Variants in PCDHA6 observed in about 807,000 individuals in gnomAD.
The protein encoded by PCDHA6 is protocadherin alpha 6.
PCDHA6 carries 55 observed loss-of-function variants against 60.3 expected under a neutral mutation model. That is an observed-to-expected ratio of 0.91 (90% confidence interval 0.73 to 1.14). The LOEUF is 1.14. Ranked by LOEUF, PCDHA6 falls within the 50% of genes most tolerant of loss-of-function variation. The pLI is 0.00. For missense variants in PCDHA6, 1,327 were observed against 1,256.5 expected (o/e 1.06, Z -0.85); for synonymous variants, 652 against 557.9 (o/e 1.17, Z -2.38).
intron 1 of PCDHA6, chr5:140,868,473 C>T (rs1740794532): frequency 6.6e-6 from 1 of 152,126 alleles, no homozygotes; most frequent in Non-Finnish European, 1.5e-5. Flanking sequence ...TTTTATAAAA[C>T]TTCAATTTTT....
Position 140,828,576 on chromosome 5 carries a change from T to C in PCDHA6, c.485T>C (p.Val162Ala). Reference protein sequence around the residue: ...FPLEGASDADVGSNSILTYKL... With the variant: ...FPLEGASDADAGSNSILTYKL... ...CTGGAGGGCGCGTCCGATGCAGATG[T>C]TGGCTCAAATTCCATCTTAACCTAT... is the stretch of plus-strand genomic sequence containing the variant. Residue 162 changes from valine to alanine, a missense_variant, in exon 1 of 4, where the codon GTT (valine) becomes GCT (alanine). By Grantham distance (64) the Val-to-Ala change is moderately conservative. Transcript: ENST00000529310. The C allele has an allele frequency of 1.9e-6, 3 of 1,614,230 alleles. No homozygotes were observed. The highest frequency in any genetic ancestry group is 1.7e-5 in the Admixed American group (1 of 60,036).
intron 1 of PCDHA6, among the ~76,000 whole-genome samples, chr5:140,833,387 A>G (rs1772434937): frequency 6.6e-6 from 1 of 152,198 alleles, no homozygotes; most frequent in African/African-American, 2.4e-5. Flanking sequence ...AGGATGAAAT[A>G]CCTCAAGACT....
chr5:140,927,967 AT>A, intron 1 of PCDHA6: 1 of 1,614,172 alleles, frequency 6.2e-7, no homozygotes, highest in Non-Finnish European at 8.5e-7. Context: ...TGGCACAGTG[AT>A]TGCTCTCTTT....
chr5:140,993,293 A>G (rs1445204823), intron 3 of PCDHA6, among the ~76,000 whole-genome samples: 1 of 152,062 alleles, frequency 6.6e-6, no homozygotes, highest in African/African-American at 2.4e-5. Flanking sequence ...CAGGGTCACA[A>G]CCTTGCCTCC....
rs2150171293 is a variant in PCDHA6, at chr5:140,829,615, T to G, written c.1524T>G (p.Ile508Met). The change falls in exon 1 of 4, where the codon ATT (isoleucine) becomes ATG (methionine). Residue 508 changes from isoleucine to methionine, a missense_variant. Transcript: ENST00000529310. The part of the protein sequence containing the change: ...RVGERALSSY[I>M]SVHAESGKVY... ...GCGAGCGCGCGTTGTCGAGCTACAT[T>G]TCGGTGCACGCGGAGAGCGGCAAGG... is the stretch of plus-strand genomic sequence containing the variant. The G allele has an allele frequency of 5.0e-6, 8 of 1,612,084 alleles. No individual in the cohort carries two copies. In the African/African-American group the frequency reaches 9.3e-5, roughly 19 times the overall value.
rs1580988971 is a variant in PCDHA6, at chr5:140,842,089, C to T, written c.2394+11604C>T. ...AAGTAAGAATATTCGAAAACGCAGA[C>T]AACGGAACAACAGTTATCAAACTGA... is the stretch of plus-strand genomic sequence containing the variant. On this transcript the variant is annotated intron_variant, in intron 1 of 3. Transcript: ENST00000529310. The T allele has an allele frequency of 1.9e-6, 3 of 1,613,894 alleles. No homozygotes were observed. The East Asian group carries it at 6.7e-5, about 36-fold the overall frequency.
Position 140,836,433 on chromosome 5 carries a change from T to C in PCDHA6, c.2394+5948T>C, listed in dbSNP as rs2150260977. The C allele has an allele frequency of 1.3e-4, 215 of 1,613,692 alleles. 2 individuals are homozygous for C. Among genetic ancestry groups the C allele is most frequent in the Non-Finnish European group, 2.4e-5 (28 of 1,179,856 alleles). ...ACCAAAGGCGTCGTCGCGGGCATCG[T>C]TGGGCATTGCAGGCCCAGAGACCGA... On this transcript the variant is annotated intron_variant, in intron 1 of 3. Transcript: ENST00000529310.
intron 1 of PCDHA6, chr5:140,843,910 G>A (rs2150367527): frequency 2.4e-5 from 15 of 636,386 alleles, no homozygotes; most frequent in Non-Finnish European, 3.7e-5. Flanking sequence ...CACAAGTTGG[G>A]TCTATCTTGA....
At chr5:140,978,818 C>T in intron 1 of PCDHA6, 131 bp from the exon 2 acceptor site, 4 of 1,512,636 alleles carry the variant, frequency 2.6e-6, no homozygotes, top group Non-Finnish European at 3.5e-6. Flanking sequence ...TAGAGTTACA[C>T]ATGAAATGGC....
chr5:140,941,685 A>G (rs983394705), intron 1 of PCDHA6, among the ~76,000 whole-genome samples: 2 of 151,952 alleles, frequency 1.3e-5, no homozygotes, highest in Non-Finnish European at 2.9e-5. Flanking sequence ...TATTCTGTTT[A>G]CCTCTTTGGG....
chr5:140,853,885 T>C (rs1456390498), intron 1 of PCDHA6: 1 of 979,240 alleles, frequency 1.0e-6, no homozygotes, highest in Non-Finnish European at 1.2e-6. Context: ...TTCTGTAATT[T>C]AAAAAGATGT....
In PCDHA6 at chr5:140,856,840, C is replaced by T. The variant is rs782759448; in HGVS notation, c.2394+26355C>T. On this transcript the variant is annotated intron_variant, in intron 1 of 3. Transcript: ENST00000529310. ...ACCAAACATTAGTAATACGGCTCAA[C>T]GCTTCTGATTCGGATGAAGGAATAA... is the stretch of plus-strand genomic sequence containing the variant. The T allele has an allele frequency of 7.5e-6, 12 of 1,591,778 alleles. 2 individuals are homozygous for T. The highest frequency in any genetic ancestry group is 4.0e-5 in the African/African-American group (3 of 74,140).
chr5:140,990,783 G>A (rs932115900), intron 3 of PCDHA6, among the ~76,000 whole-genome samples: 5 of 152,170 alleles, frequency 3.3e-5, no homozygotes, highest in African/African-American at 7.2e-5. Flanking sequence ...TGTGTTGGAC[G>A]ATGAACCATG....
At position 140,842,935 on chromosome 5, in the gene PCDHA6, C is replaced by T. The variant is rs1329962165; in HGVS notation, c.2394+12450C>T. ...TGCTGCAGTTCCAGGTGAGCGCGCG[C>T]GACGCGGGCGTGCCGCCTCTGGGCA... On this transcript the variant is annotated intron_variant, in intron 1 of 3. Transcript: ENST00000529310. The T allele has an allele frequency of 3.8e-6, 6 of 1,594,442 alleles. No individual in the cohort carries two copies. In the African/African-American group the frequency reaches 8.1e-5, roughly 21 times the overall value.
chr5:140,831,119 G>T (rs1198671587), intron 1 of PCDHA6: 1 of 152,072 alleles, frequency 6.6e-6, no homozygotes, highest in Non-Finnish European at 1.5e-5. Context: ...GAATACTTCT[G>T]GTTGTTATGG....
At chr5:140,952,345 A>G (rs1199209045) in intron 1 of PCDHA6, among the ~76,000 whole-genome samples, 2 of 151,900 alleles carry the variant, frequency 1.3e-5, no homozygotes, top group Non-Finnish European at 2.9e-5. Context: ...TCTCAAAAAA[A>G]AAAAAAAAAG....
intron 1 of PCDHA6, chr5:140,927,907 G>A (rs1179807732): frequency 4.9e-5 from 79 of 1,614,038 alleles, no homozygotes; most frequent in Non-Finnish European, 6.6e-5. Flanking sequence ...TCATGCCCCC[G>A]AACTGGACTT....
intron 1 of PCDHA6, chr5:140,870,482 C>A (rs1298357431): frequency 6.2e-7 from 1 of 1,614,126 alleles, no homozygotes; most frequent in Non-Finnish European, 8.5e-7. Flanking sequence ...CCCGAGTACA[C>A]CGTGTTCGTG....
intron 1 of PCDHA6, chr5:140,841,301 G>A (rs2150312964): frequency 2.0e-6 from 3 of 1,536,446 alleles, no homozygotes; most frequent in Admixed American, 3.9e-5. Flanking sequence ...AATATTTTCT[G>A]ATAGGAAACG....
Sources: allele counts gnomAD v4.1 joint callset (sites outside exome capture counted in the v4.1 genomes callset), GRCh38; gene constraint gnomAD v4.1.1; transcripts MANE v1.5; gene names NCBI Gene and HGNC (gene_info 2026-07-23, HGNC 2026-07-21).